RTF2: variants seen among roughly 807,000 people sequenced by gnomAD.
The protein encoded by RTF2 is UPF0549 protein C20orf43.
Under a neutral mutation model 38.0 loss-of-function variants are expected in RTF2, and 18 were observed. The observed-to-expected ratio is 0.47, with a 90% CI of 0.33 to 0.70. The LOEUF (loss-of-function observed/expected upper bound fraction) is 0.70, where lower values mean the gene tolerates loss of function less well. Ranked by LOEUF, RTF2 falls within the 30% of genes least tolerant of loss-of-function variation. The probability of loss-of-function intolerance (pLI) is 0.02; values close to 1 mark genes in which losing one functional copy is unlikely to be tolerated. For missense variants in RTF2, 311 were observed against 379.6 expected, an observed-to-expected ratio of 0.82 and a Z score of 1.50; for synonymous variants, 126 against 137.1, an observed-to-expected ratio of 0.92 and a Z score of 0.57.
intron 5 of RTF2, among the ~76,000 whole-genome samples, chr20:56,491,111 A>G (rs999745813): frequency 6.6e-6 from 1 of 152,238 alleles, no homozygotes; most frequent in African/African-American, 2.4e-5. Context: ...GACCGCCAGA[A>G]TAGGGTTACA....
At chr20:56,480,178 A>G (rs1206536972) in intron 4 of RTF2, among the ~76,000 whole-genome samples, 1 of 152,198 alleles carries the variant, frequency 6.6e-6, no homozygotes, top group Non-Finnish European at 1.5e-5. Context: ...ATCTTTATTA[A>G]TGATTTTAGC....
intron 1 of RTF2, among the ~76,000 whole-genome samples, chr20:56,469,920 G>A (rs1465465934): frequency 9.9e-5 from 15 of 152,276 alleles, no homozygotes; most frequent in African/African-American, 3.6e-4. Context: ...ACTTCATTCA[G>A]TTTTTTACTC....
At chr20:56,489,165 C>T (rs577764042) in intron 5 of RTF2, among the ~76,000 whole-genome samples, 1 of 152,110 alleles carries the variant, frequency 6.6e-6, no homozygotes, top group South Asian at 2.1e-4. Flanking sequence ...AAGTGATTCT[C>T]CTGCCTTAGC....
intron 5 of RTF2, among the ~76,000 whole-genome samples, chr20:56,489,494 C>T (rs1982978702): frequency 6.6e-6 from 1 of 152,226 alleles, no homozygotes; most frequent in Non-Finnish European, 1.5e-5. Flanking sequence ...AGTAGTCACA[C>T]TGCAGAGTGT....
At chr20:56,512,343 A>G (rs1161623569) in intron 5 of RTF2, among the ~76,000 whole-genome samples, 1 of 152,116 alleles carries the variant, frequency 6.6e-6, no homozygotes, top group Non-Finnish European at 1.5e-5. Context: ...GGCACTGGGT[A>G]GCTGCTGGGG....
chr20:56,501,544 A>G (rs1188588234), intron 5 of RTF2, among the ~76,000 whole-genome samples: 2 of 152,122 alleles, frequency 1.3e-5, no homozygotes, highest in Non-Finnish European at 2.9e-5. Flanking sequence ...TGTATTATGT[A>G]TGGAGTAGGT....
intron 5 of RTF2, chr20:56,491,484 A>T (rs1983121584): frequency 1.1e-6 from 1 of 921,172 alleles, no homozygotes; most frequent in South Asian, 1.5e-5. Flanking sequence ...TCATTTTCCC[A>T]CTTCTTTGGT....
chr20:56,500,774 A>G (rs1334126315), intron 5 of RTF2, among the ~76,000 whole-genome samples: 3 of 152,074 alleles, frequency 2.0e-5, no homozygotes, highest in Non-Finnish European at 4.4e-5. Context: ...TTAGTTTGTC[A>G]TTGTTTCAAC....
At chr20:56,479,568 T>C (rs1308872541) in intron 4 of RTF2, among the ~76,000 whole-genome samples, 2 of 152,196 alleles carry the variant, frequency 1.3e-5, no homozygotes, top group African/African-American at 4.8e-5. Context: ...GTGAATTCTT[T>C]CCAGAAGGTT....
chr20:56,488,562 A>C (rs1361313572), intron 5 of RTF2, among the ~76,000 whole-genome samples: 1 of 152,142 alleles, frequency 6.6e-6, no homozygotes, highest in Non-Finnish European at 1.5e-5. Flanking sequence ...AGAAAAAGTT[A>C]AGTTAGGGAA....
At chr20:56,472,112 T>C (rs976484469) in intron 1 of RTF2, among the ~76,000 whole-genome samples, 3 of 151,834 alleles carry the variant, frequency 2.0e-5, no homozygotes, top group Non-Finnish European at 4.4e-5. Context: ...TCCTAGCTAC[T>C]TGGGAGGCTA....
At chr20:56,496,915 G>T in intron 5 of RTF2, 1 of 1,551,664 alleles carries the variant, frequency 6.4e-7, no homozygotes, top group South Asian at 1.2e-5. Flanking sequence ...ATTACTCCAG[G>T]AGTAATATTT....
Position 56,518,370 on chromosome 20 carries a change from T to A in RTF2, c.*105T>A. The A allele has an allele frequency of 8.4e-7, 1 of 1,193,632 alleles. No individual in the cohort carries two copies. The allele number at this position is 1,193,632 out of a possible 1,614,324, so 73.9% of individuals were successfully genotyped here. ...CTGCTGTGTGTTCTCTCTATAGTTC[T>A]GTGTCATAAAGCTGTCCTGGCCAGC... On this transcript the variant is annotated 3_prime_UTR_variant, in exon 9 of 9. Transcript: ENST00000357348.
chr20:56,507,937 C>T (rs969190285), intron 5 of RTF2, among the ~76,000 whole-genome samples: 10 of 152,200 alleles, frequency 6.6e-5, no homozygotes, highest in African/African-American at 2.2e-4. Flanking sequence ...CCTCCTCTAG[C>T]AGAGCAGGCT....
chr20:56,510,585 T>C (rs945758646), intron 5 of RTF2, among the ~76,000 whole-genome samples: 1 of 152,168 alleles, frequency 6.6e-6, no homozygotes, highest in African/African-American at 2.4e-5. Flanking sequence ...ACCCAACTCA[T>C]AGGGGGCAGA....
At chr20:56,518,022 G>C in intron 8 of RTF2, 65 bp from the exon 9 acceptor site, 1 of 1,482,324 alleles carries the variant, frequency 6.7e-7, no homozygotes, top group South Asian at 1.3e-5. Context: ...CTTCCCTTCT[G>C]AGGATGCGAA....
chr20:56,488,667 CTT>C (rs1221485912), intron 5 of RTF2, among the ~76,000 whole-genome samples: 1 of 152,186 alleles, frequency 6.6e-6, no homozygotes, highest in Non-Finnish European at 1.5e-5. Context: ...TCTTTATAGT[CTT>C]TGTGAATATT....
At chr20:56,517,867 T>A (rs574593262) in intron 8 of RTF2, among the ~76,000 whole-genome samples, 4 of 152,152 alleles carry the variant, frequency 2.6e-5, no homozygotes, top group Non-Finnish European at 5.9e-5. Context: ...TTCACGGGGC[T>A]GGGACCAGTG....
intron 5 of RTF2, chr20:56,491,397 G>A (rs1983114374): frequency 1.6e-6 from 1 of 610,992 alleles, no homozygotes; most frequent in South Asian, 2.0e-5. Context: ...AGCTATAAAA[G>A]TGGCCTGTAA....
Sources: allele counts gnomAD v4.1 joint callset (sites outside exome capture counted in the v4.1 genomes callset), GRCh38; gene constraint gnomAD v4.1.1; transcripts MANE v1.5; gene names NCBI Gene and HGNC (gene_info 2026-07-23, HGNC 2026-07-21).